Variants in WWOX observed in about 807,000 individuals in gnomAD.
WWOX encodes WW domain-containing oxidoreductase.
A neutral mutation model predicts 46.2 loss-of-function variants in WWOX; 69 were observed. The ratio of observed to expected loss-of-function variants is 1.49; its 90% CI spans 1.23 to 1.82. The LOEUF (loss-of-function observed/expected upper bound fraction) is 1.82, where lower values mean the gene tolerates loss of function less well. Ranked by LOEUF, WWOX falls within the 40% of genes most tolerant of loss-of-function variation. The pLI is 0.00. For missense variants in WWOX, 919 were observed against 542.6 expected (o/e 1.69, Z -6.89); for synonymous variants, 359 against 202.6 (o/e 1.77, Z -6.56).
At chr16:78,902,505 T>C (rs2044855217) in intron 8 of WWOX, among the ~76,000 whole-genome samples, 1 of 152,226 alleles carries the variant, frequency 6.6e-6, no homozygotes, top group Non-Finnish European at 1.5e-5. Context: ...GTCAGGCATC[T>C]TGTTAGACTG....
At chr16:78,787,827 T>A (rs2050494542) in intron 8 of WWOX, among the ~76,000 whole-genome samples, 1 of 152,176 alleles carries the variant, frequency 6.6e-6, no homozygotes, top group South Asian at 2.1e-4. Context: ...TTGCCAACAC[T>A]TTATTTTCTG....
At chr16:78,175,111 A>G (rs975221092) in intron 5 of WWOX, among the ~76,000 whole-genome samples, 4 of 152,076 alleles carry the variant, frequency 2.6e-5, no homozygotes, top group Admixed American at 1.3e-4. Flanking sequence ...GAGGGCAGAA[A>G]GGTGCCTATC....
chr16:78,162,514 G>GCA (rs75887526), intron 4 of WWOX, among the ~76,000 whole-genome samples: 37,364 of 151,302 alleles, frequency 0.25, 4,659 homozygotes, highest in South Asian at 0.34. Flanking sequence ...CTTGTAGCTT[G>GCA]CACATATATA....
chr16:78,206,825 C>G (rs2036410699), intron 5 of WWOX, among the ~76,000 whole-genome samples: 1 of 152,162 alleles, frequency 6.6e-6, no homozygotes, highest in Non-Finnish European at 1.5e-5. Flanking sequence ...CAAGGTCACA[C>G]AACTAAAAGA....
At chr16:78,437,120 C>T (rs534372733) in intron 8 of WWOX, among the ~76,000 whole-genome samples, 1 of 152,312 alleles carries the variant, frequency 6.6e-6, no homozygotes, top group African/African-American at 2.4e-5. Context: ...GTCAGGGGAG[C>T]AAGAAATACA....
chr16:79,094,497 C>G (rs1474585717), intron 8 of WWOX, among the ~76,000 whole-genome samples: 4 of 152,144 alleles, frequency 2.6e-5, no homozygotes, highest in Non-Finnish European at 4.4e-5. Context: ...GGCAGTCTGC[C>G]CACCTCGGCC....
intron 8 of WWOX, among the ~76,000 whole-genome samples, chr16:79,158,953 A>T (rs889676818): frequency 6.6e-6 from 1 of 152,214 alleles, no homozygotes; most frequent in South Asian, 2.1e-4. Flanking sequence ...CATTTATTGA[A>T]TAGATGAAAG....
At chr16:78,622,561 AC>A (rs1255767809) in intron 8 of WWOX, among the ~76,000 whole-genome samples, 1 of 149,010 alleles carries the variant, frequency 6.7e-6, no homozygotes, top group Admixed American at 6.7e-5. Context: ...AAAAAAGTGA[AC>A]CCTTGTAGTT....
At chr16:78,677,829 G>A (rs1322419391) in intron 8 of WWOX, among the ~76,000 whole-genome samples, 1 of 152,154 alleles carries the variant, frequency 6.6e-6, no homozygotes, top group African/African-American at 2.4e-5. Context: ...TTTCCTTTAT[G>A]GTGTCCTTCT....
At chr16:78,217,537 G>A (rs137881368) in intron 5 of WWOX, among the ~76,000 whole-genome samples, 32 of 152,226 alleles carry the variant, frequency 2.1e-4, no homozygotes, top group African/African-American at 7.7e-4. Flanking sequence ...TGATCCTGCC[G>A]ATGAGATGAG....
intron 8 of WWOX, among the ~76,000 whole-genome samples, chr16:79,108,165 G>C (rs2049346916): frequency 6.6e-6 from 1 of 152,206 alleles, no homozygotes; most frequent in Non-Finnish European, 1.5e-5. Context: ...TTGGTGGCAA[G>C]GAAGCCCACT....
chr16:78,923,816 T>TC (rs2045435952), intron 8 of WWOX, among the ~76,000 whole-genome samples: 2 of 126,114 alleles, frequency 1.6e-5, no homozygotes, highest in Non-Finnish European at 3.5e-5. Flanking sequence ...TTTTTTTTTT[T>TC]TCAGACGGAG....
intron 8 of WWOX, among the ~76,000 whole-genome samples, chr16:79,176,719 G>C (rs2050807546): frequency 6.6e-6 from 1 of 152,092 alleles, no homozygotes; most frequent in South Asian, 2.1e-4. Flanking sequence ...AAACACCGAG[G>C]GCTTTAAGGA....
chr16:78,866,319 A>C (rs2044002096), intron 8 of WWOX, among the ~76,000 whole-genome samples: 1 of 151,690 alleles, frequency 6.6e-6, no homozygotes, highest in Non-Finnish European at 1.5e-5. Flanking sequence ...TGGTCATTTC[A>C]CTCTTTCTCC....
intron 8 of WWOX, among the ~76,000 whole-genome samples, chr16:78,575,371 A>T (rs928316624): frequency 6.6e-6 from 1 of 151,732 alleles, no homozygotes; most frequent in Non-Finnish European, 1.5e-5. Flanking sequence ...AGCCTGAAAT[A>T]GCCCTATCTC....
At chr16:78,619,295 C>T (rs1190024551) in intron 8 of WWOX, among the ~76,000 whole-genome samples, 1 of 120,632 alleles carries the variant, frequency 8.3e-6, no homozygotes, top group Non-Finnish European at 1.7e-5. Flanking sequence ...ACCTGGGAGT[C>T]GGAGGTTGCA....
chr16:78,930,353 C>G (rs1051563268), intron 8 of WWOX, among the ~76,000 whole-genome samples: 3 of 150,762 alleles, frequency 2.0e-5, no homozygotes, highest in African/African-American at 7.3e-5. Context: ...TCATGGCTCA[C>G]TGCAGCCTCA....
At chr16:78,657,329 G>A (rs2047104090) in intron 8 of WWOX, among the ~76,000 whole-genome samples, 2 of 152,090 alleles carry the variant, frequency 1.3e-5, no homozygotes, top group Admixed American at 1.3e-4. Context: ...AGAAAATGAG[G>A]TGGGGGGAAG....
intron 8 of WWOX, among the ~76,000 whole-genome samples, chr16:78,523,091 A>AT (rs1428414938): frequency 6.6e-6 from 1 of 152,100 alleles, no homozygotes; most frequent in East Asian, 1.9e-4. Flanking sequence ...AAATAAATAA[A>AT]AATTAAAAAA....
Sources: gnomAD v4.1 joint callset for allele counts (sites outside exome capture counted in the v4.1 genomes callset) on GRCh38, gnomAD v4.1.1 for gene constraint, MANE v1.5 for transcripts, NCBI Gene and HGNC (gene_info 2026-07-23, HGNC 2026-07-21) for gene names.